CTNNA2: variants seen among roughly 807,000 people sequenced by gnomAD.
CTNNA2 encodes catenin alpha 2, also known as catenin alpha-2.
CTNNA2 carries 42 observed loss-of-function variants against 101.0 expected under a neutral mutation model. That is an observed-to-expected ratio of 0.42 (90% CI 0.32 to 0.54). CTNNA2 has a LOEUF of 0.54. Among genes scored for constraint, CTNNA2 ranks in the 20% least tolerant of loss-of-function variants. CTNNA2 has a pLI of 0.14. For missense variants in CTNNA2, 871 were observed against 1,223.1 expected, an observed-to-expected ratio of 0.71 and a Z score of 4.29; for synonymous variants, 450 against 456.4, an observed-to-expected ratio of 0.99 and a Z score of 0.18.
intron 3 of CTNNA2, among the ~76,000 whole-genome samples, chr2:79,357,283 A>G (rs1056287235): frequency 1.3e-5 from 2 of 152,110 alleles, no homozygotes; most frequent in Non-Finnish European, 1.5e-5. Flanking sequence ...CTATATTCAC[A>G]TCACTGCATC....
intron 2 of CTNNA2, among the ~76,000 whole-genome samples, chr2:79,209,674 A>C (rs1674144312): frequency 8.5e-6 from 1 of 117,288 alleles, no homozygotes; most frequent in Admixed American, 8.9e-5. Context: ...CGCACCAGAA[A>C]ATACATGCAC....
intron 6 of CTNNA2, among the ~76,000 whole-genome samples, chr2:79,876,808 G>A (rs4852535): frequency 0.075 from 11,446 of 152,216 alleles, 698 homozygotes; most frequent in Admixed American, 0.19. Context: ...ATGTCAACAT[G>A]TTGAATGTTC....
intron 9 of CTNNA2, among the ~76,000 whole-genome samples, chr2:80,432,273 C>T (rs1412462563): frequency 1.3e-5 from 2 of 152,144 alleles, no homozygotes; most frequent in African/African-American, 4.8e-5. Context: ...TAGACACATA[C>T]ACATGTTCTT....
chr2:79,598,267 A>C (rs1169248549), intron 1 of CTNNA2, among the ~76,000 whole-genome samples: 3 of 152,236 alleles, frequency 2.0e-5, no homozygotes, highest in Non-Finnish European at 1.5e-5. Flanking sequence ...AGCTGCTATA[A>C]ACATTCATAT....
chr2:80,291,114 T>G (rs963451266), intron 7 of CTNNA2, among the ~76,000 whole-genome samples: 2 of 152,212 alleles, frequency 1.3e-5, no homozygotes, highest in Non-Finnish European at 2.9e-5. Context: ...AATTCCCTAG[T>G]TGCAAACGAG....
At chr2:80,254,074 A>G (rs983564531) in intron 7 of CTNNA2, among the ~76,000 whole-genome samples, 1 of 152,106 alleles carries the variant, frequency 6.6e-6, no homozygotes, top group African/African-American at 2.4e-5. Context: ...GGCCTCTGGT[A>G]TACAGGTTAT....
intron 3 of CTNNA2, among the ~76,000 whole-genome samples, chr2:79,360,766 A>C (rs148253557): frequency 3.6e-4 from 55 of 152,300 alleles, no homozygotes; most frequent in Admixed American, 1.0e-3. Flanking sequence ...CATCCTGACT[A>C]GTTGTCCAAT....
At chr2:80,288,102 C>T (rs984591513) in intron 7 of CTNNA2, among the ~76,000 whole-genome samples, 2 of 152,006 alleles carry the variant, frequency 1.3e-5, no homozygotes, top group African/African-American at 4.8e-5. Flanking sequence ...TAGTTGCTGC[C>T]CAGGGTCCTC....
intron 7 of CTNNA2, among the ~76,000 whole-genome samples, chr2:79,979,010 G>A (rs1167168710): frequency 6.6e-6 from 1 of 152,114 alleles, no homozygotes; most frequent in Non-Finnish European, 1.5e-5. Flanking sequence ...AATTCAAGGA[G>A]TCTGGCTCTA....
chr2:80,516,892 T>C (rs537845724), intron 9 of CTNNA2, among the ~76,000 whole-genome samples: 1 of 152,340 alleles, frequency 6.6e-6, no homozygotes, highest in East Asian at 1.9e-4. Context: ...AAGTTTTCTC[T>C]TCCATGTGAA....
chr2:80,431,344 A>G (rs1026080064), intron 9 of CTNNA2, among the ~76,000 whole-genome samples: 5 of 152,252 alleles, frequency 3.3e-5, no homozygotes, highest in African/African-American at 1.2e-4. Context: ...TTGATGTGTA[A>G]TGATTTACCC....
chr2:79,639,747 A>T (rs936996140), intron 1 of CTNNA2, among the ~76,000 whole-genome samples: 1 of 152,148 alleles, frequency 6.6e-6, no homozygotes, highest in Admixed American at 6.5e-5. Context: ...GTTGGGTTCA[A>T]AAGGATTAGT....
intron 1 of CTNNA2, among the ~76,000 whole-genome samples, chr2:79,643,841 G>C (rs1388999542): frequency 6.6e-6 from 1 of 152,100 alleles, no homozygotes; most frequent in African/African-American, 2.4e-5. Context: ...CTTTCAGCTA[G>C]AACTCATTCA....
At chr2:80,085,951 G>A (rs1399650280) in intron 7 of CTNNA2, among the ~76,000 whole-genome samples, 1 of 151,964 alleles carries the variant, frequency 6.6e-6, no homozygotes, top group African/African-American at 2.4e-5. Context: ...TATGCCTACG[G>A]TTAAACTTAG....
chr2:80,612,563 G>A (rs1698550392), intron 17 of CTNNA2, among the ~76,000 whole-genome samples: 1 of 151,468 alleles, frequency 6.6e-6, no homozygotes, highest in African/African-American at 2.4e-5. Context: ...AAAAGAAAAT[G>A]TGGGATATAT....
intron 1 of CTNNA2, among the ~76,000 whole-genome samples, chr2:79,587,632 T>C (rs900101701): frequency 2.0e-5 from 3 of 152,216 alleles, no homozygotes; most frequent in Non-Finnish European, 2.9e-5. Flanking sequence ...TTCCATGCTC[T>C]GGTCCTCATT....
chr2:80,440,518 A>T (rs1299241709), intron 9 of CTNNA2, among the ~76,000 whole-genome samples: 1 of 152,344 alleles, frequency 6.6e-6, no homozygotes, highest in East Asian at 1.9e-4. Flanking sequence ...ATATTTGGGC[A>T]TAGGACTGCT....
At chr2:79,455,093 G>T (rs1245237107) in intron 4 of CTNNA2, among the ~76,000 whole-genome samples, 1 of 152,132 alleles carries the variant, frequency 6.6e-6, no homozygotes, top group Non-Finnish European at 1.5e-5. Context: ...AATAAAGGGG[G>T]TGTCTGGGTG....
At chr2:79,381,482 T>G (rs1223775773) in intron 4 of CTNNA2, among the ~76,000 whole-genome samples, 1 of 152,244 alleles carries the variant, frequency 6.6e-6, no homozygotes, top group Non-Finnish European at 1.5e-5. Context: ...AACTATCAAG[T>G]CAACTTTAAA....
Sources: allele counts gnomAD v4.1 joint callset (sites outside exome capture counted in the v4.1 genomes callset), GRCh38; gene constraint gnomAD v4.1.1; transcripts MANE v1.5; gene names NCBI Gene and HGNC (gene_info 2026-07-23, HGNC 2026-07-21).